SPMAP2: variants seen among roughly 807,000 people sequenced by gnomAD.
SPMAP2 encodes the protein Theg homolog.
chr19:366,818 G>A, the SPMAP2 span, among the ~76,000 whole-genome samples: 1 of 152,152 alleles, frequency 6.6e-6, no homozygotes, highest in East Asian at 1.9e-4. Flanking sequence ...TTTTAAAGCT[G>A]CATTTGTTCC....
chr19:371,374 G>A, the SPMAP2 span: 2 of 609,316 alleles, frequency 3.3e-6, no homozygotes, highest in African/African-American at 3.9e-5. Context: ...GTGGGGGTGT[G>A]TGTGTGTGTG....
the SPMAP2 span, chr19:372,667 G>T: frequency 1.2e-6 from 2 of 1,614,052 alleles, no homozygotes; most frequent in South Asian, 2.2e-5. Context: ...GAATCTCTTG[G>T]GCCGAGACAG....
the SPMAP2 span, among the ~76,000 whole-genome samples, chr19:374,863 G>C: frequency 6.6e-6 from 1 of 152,256 alleles, no homozygotes; most frequent in African/African-American, 2.4e-5. Flanking sequence ...AGGGAAACAG[G>C]CAGCAGGTGA....
the SPMAP2 span, chr19:362,346 C>G: frequency 6.2e-7 from 1 of 1,610,606 alleles, no homozygotes; most frequent in Middle Eastern, 1.7e-4. Flanking sequence ...CGGGGGCTGG[C>G]CACCACCTTC....
At chr19:363,681 C>A in the SPMAP2 span, among the ~76,000 whole-genome samples, 1,748 of 149,206 alleles carry the variant, frequency 0.012, 27 homozygotes, top group East Asian at 0.03. Flanking sequence ...CTACAGGCGC[C>A]CGCCACCACG....
chr19:373,583 C>A, the SPMAP2 span: 1 of 1,573,392 alleles, frequency 6.4e-7, no homozygotes, highest in Non-Finnish European at 8.7e-7. Context: ...CCTGGCCCTG[C>A]CCGGAAACAA....
At chr19:368,272 C>G in the SPMAP2 span, among the ~76,000 whole-genome samples, 1 of 152,180 alleles carries the variant, frequency 6.6e-6, no homozygotes, top group South Asian at 2.1e-4. The surrounding 1 kb of genome is among the most constrained non-coding windows in gnomAD (Gnocchi z 4.1). Flanking sequence ...GAGTACTGCG[C>G]GGCGCTCAGA....
At chr19:375,880 C>T in the SPMAP2 span, 1 of 1,567,448 alleles carries the variant, frequency 6.4e-7, no homozygotes, top group Non-Finnish European at 8.6e-7. Context: ...CTCTGGAGGC[C>T]ACGGGGGTCG....
chr19:366,972 G>T, the SPMAP2 span: 1 of 1,351,368 alleles, frequency 7.4e-7, no homozygotes, highest in Non-Finnish European at 1.0e-6. Context: ...ATGGGGGAGA[G>T]CTTCCCTCTG....
At chr19:372,827 G>A in the SPMAP2 span, 2 of 871,762 alleles carry the variant, frequency 2.3e-6, no homozygotes, top group Non-Finnish European at 3.7e-6. Flanking sequence ...AGAACTGTGG[G>A]CAGAGACAAC....
chr19:373,795 C>A, the SPMAP2 span: 1 of 818,026 alleles, frequency 1.2e-6, no homozygotes, highest in South Asian at 1.6e-5. Context: ...AGACCCAGGT[C>A]ACAAGGGTGG....
the SPMAP2 span, among the ~76,000 whole-genome samples, chr19:373,176 C>T: frequency 2.0e-5 from 3 of 152,162 alleles, no homozygotes; most frequent in African/African-American, 7.2e-5. Flanking sequence ...TATGATACCT[C>T]AATACCAAAT....
the SPMAP2 span, among the ~76,000 whole-genome samples, chr19:365,045 T>C: frequency 6.6e-6 from 1 of 152,230 alleles, no homozygotes; most frequent in East Asian, 1.9e-4. Flanking sequence ...GTGGAGTCTC[T>C]TCCACTAGGC....
the SPMAP2 span, chr19:362,123 T>C: frequency 8.4e-7 from 1 of 1,183,946 alleles, no homozygotes; most frequent in Non-Finnish European, 1.1e-6. Flanking sequence ...CGCCCTCCCT[T>C]CTCCAGGCCA....
chr19:375,408 A>T, the SPMAP2 span, among the ~76,000 whole-genome samples: 1 of 151,284 alleles, frequency 6.6e-6, no homozygotes, highest in Admixed American at 6.6e-5. Flanking sequence ...AGCGCTGTTT[A>T]CTCCTCCTCC....
the SPMAP2 span, among the ~76,000 whole-genome samples, chr19:369,448 A>G: frequency 2.0e-5 from 3 of 151,288 alleles, no homozygotes; most frequent in Non-Finnish European, 4.4e-5. Context: ...ACCAGAGCTC[A>G]CTCCCCTCCC....
chr19:374,538 C>CAGCCTCTCCCCTCTGTGCCCCCACCCA, the SPMAP2 span: 3 of 1,420,538 alleles, frequency 2.1e-6, no homozygotes, highest in Non-Finnish European at 2.8e-6. Flanking sequence ...CCTGCCCACC[C>CAGCCTCTCCCCTCTGTGCCCCCACCCA]GCCTCTCCTT....
At chr19:364,775 C>T in the SPMAP2 span, among the ~76,000 whole-genome samples, 4 of 151,980 alleles carry the variant, frequency 2.6e-5, no homozygotes, top group East Asian at 7.7e-4. Flanking sequence ...ACCATCTCTC[C>T]CCCACCCCTT....
the SPMAP2 span, among the ~76,000 whole-genome samples, chr19:364,654 T>C: frequency 6.6e-6 from 1 of 152,072 alleles, no homozygotes; most frequent in East Asian, 1.9e-4. Context: ...GTCATGGTGG[T>C]AAGTGGGTCG....
Sources: gnomAD v4.1 joint callset for allele counts (sites outside exome capture counted in the v4.1 genomes callset) on GRCh38, gnomAD v4.1.1 for gene constraint, Gnocchi (gnomAD v3.1) non-coding constraint, MANE v1.5 for transcripts, NCBI Gene and HGNC (gene_info 2026-07-23, HGNC 2026-07-21) for gene names.